The following OSMR variants were observed in gnomAD, a reference collection of about 807,000 sequenced individuals.
OSMR encodes oncostatin M receptor.
A neutral mutation model predicts 99.9 loss-of-function variants in OSMR; 81 were observed. The observed-to-expected ratio is 0.81, with a 90% CI of 0.68 to 0.97. OSMR has a LOEUF of 0.97. Among genes scored for constraint, OSMR ranks in the 50% least tolerant of loss-of-function variants. OSMR has a pLI of 0.00. For synonymous variants in OSMR, 406 were observed against 410.4 expected (o/e 0.99, Z 0.13); for missense variants, 1,099 against 1,153.4 (o/e 0.95, Z 0.68).
intron 12 of OSMR, among the ~76,000 whole-genome samples, chr5:38,922,425 G>C (rs1480368147): frequency 6.6e-6 from 1 of 152,198 alleles, no homozygotes; most frequent in Non-Finnish European, 1.5e-5. Context: ...GTGTAATGGG[G>C]AAATGAGGAA....
At chr5:38,869,384 C>G (rs993162042) in intron 2 of OSMR, among the ~76,000 whole-genome samples, 5 of 152,170 alleles carry the variant, frequency 3.3e-5, no homozygotes, top group Non-Finnish European at 7.3e-5. Flanking sequence ...TGTAAATAGA[C>G]CTAATCCCAT....
chr5:38,900,974 C>T (rs1245328484), intron 7 of OSMR, among the ~76,000 whole-genome samples: 1 of 152,200 alleles, frequency 6.6e-6, no homozygotes, highest in Non-Finnish European at 1.5e-5. Context: ...TAATTCTTGT[C>T]CCACACAGAG....
intron 1 of OSMR, among the ~76,000 whole-genome samples, chr5:38,862,270 G>T (rs1287797358): frequency 9.6e-6 from 1 of 104,558 alleles, no homozygotes; most frequent in African/African-American, 3.9e-5. Context: ...CCTCCCGGAC[G>T]GGGCGGCTGG....
chr5:38,874,232 TTTG>T lies in OSMR; in HGVS notation c.74-1950_74-1948del, dbSNP rs142198285. 4.1e-3 allele frequency among the ~76,000 whole-genome samples: 617 copies of T among 152,176 alleles called. 4 individuals are homozygous for T. Among genetic ancestry groups the T allele is most frequent in the African/African-American group, 0.014 (574 of 41,508 alleles). Reference sequence around the variant, plus strand: ...ACAAACTTGTTTATTTTATTGTCTATTTGTTGTTGTTGTTGTTGTTGCTCATAC... The same window carrying T: ...ACAAACTTGTTTATTTTATTGTCTATTTGTTGTTGTTGTTGTTGCTCATAC... On this transcript the variant is annotated intron_variant, in intron 2 of 17. Transcript: ENST00000274276.
intron 1 of OSMR, among the ~76,000 whole-genome samples, chr5:38,850,326 C>T (rs1276604727): frequency 6.6e-6 from 1 of 152,158 alleles, no homozygotes; most frequent in Admixed American, 6.5e-5. Context: ...TGATTGAAAG[C>T]ATTTTTAAAT....
chr5:38,851,733 T>C (rs1740368699), intron 1 of OSMR, among the ~76,000 whole-genome samples: 1 of 152,246 alleles, frequency 6.6e-6, no homozygotes, highest in Non-Finnish European at 1.5e-5. Flanking sequence ...GGTTTGGCTG[T>C]GTCCCCACCC....
downstream of OSMR, chr5:38,940,015 TAG>T: frequency 5.3e-6 from 1 of 187,842 alleles, no homozygotes; most frequent in Non-Finnish European, 9.8e-6. Context: ...AATTTAAGCG[TAG>T]ACTTTTTTTT....
intron 4 of OSMR, among the ~76,000 whole-genome samples, chr5:38,882,178 G>A (rs1743340857): frequency 6.6e-6 from 1 of 152,222 alleles, no homozygotes; most frequent in Non-Finnish European, 1.5e-5. Flanking sequence ...GCTTTTCAGA[G>A]CATACAGTCG....
At chr5:38,902,195 T>C (rs943417900) in intron 7 of OSMR, among the ~76,000 whole-genome samples, 1 of 152,268 alleles carries the variant, frequency 6.6e-6, no homozygotes, top group Non-Finnish European at 1.5e-5. Flanking sequence ...ACTACTTTTG[T>C]TGAATAAGCC....
Position 38,925,333 on chromosome 5 carries a change from G to T in OSMR, c.2174G>T (p.Ser725Ile), listed in dbSNP as rs1358678481. Residue 725 changes from serine (S) to isoleucine (I), a missense_variant, in exon 15 of 18, where the codon AGT (serine) becomes ATT (isoleucine). Transcript: ENST00000274276. ...TTCACTAGTGCTGGTGAAGGCCCCA[G>T]TGCTACGTTCACGAAGGTCACGACT... ...TPFTSAGEGP[S>I]ATFTKVTTPD... 5.6e-6 allele frequency: 9 copies of T among 1,613,990 alleles called. No individual in the cohort carries two copies. The South Asian group carries it at 7.7e-5, about 14-fold the overall frequency.
chr5:38,877,688 G>A (rs1742946018), intron 3 of OSMR, among the ~76,000 whole-genome samples: 1 of 152,142 alleles, frequency 6.6e-6, no homozygotes, highest in African/African-American at 2.4e-5. Flanking sequence ...TGGAAGTGCT[G>A]GAGGAATTGT....
At position 38,865,681 on chromosome 5, in the gene OSMR, T is replaced by TC. The variant is rs1321339827; in HGVS notation, c.-13-3351_-13-3350insC. ...GTCCTTGGGCCCCCACATGCCCACC[T>TC]GATGTACATAAGCACCAGTGGTAGT... On this transcript the variant is annotated intron_variant, in intron 1 of 17. Coordinates refer to ENST00000274276, the MANE Select transcript of OSMR (RefSeq NM_003999.3). 6.6e-5 allele frequency among the ~76,000 whole-genome samples: 10 copies of TC among 152,216 alleles called. No individual in the cohort carries two copies. In the East Asian group the frequency reaches 1.9e-3, roughly 29 times the overall value.
At chr5:38,860,373 T>G (rs1020373825) in intron 1 of OSMR, among the ~76,000 whole-genome samples, 4 of 152,230 alleles carry the variant, frequency 2.6e-5, no homozygotes, top group African/African-American at 9.6e-5. Flanking sequence ...TCACATTTAT[T>G]GATTTGCATA....
rs1025033189 is a variant in OSMR, at chr5:38,916,372, G to C, written c.1286-1174G>C. Among the ~76,000 whole-genome samples, 6 of 152,102 alleles carry C rather than the reference G, an allele frequency of 3.9e-5. No individual in the cohort carries two copies. In the East Asian group the frequency reaches 1.2e-3, roughly 29 times the overall value. ...AATGACCAGACCCTAACTACCTTGAGTTCAAATCTTGGCTTCACTTTTACT... is the reference window on the plus strand; with the variant it reads ...AATGACCAGACCCTAACTACCTTGACTTCAAATCTTGGCTTCACTTTTACT... On this transcript the variant is annotated intron_variant, in intron 9 of 17. Coordinates refer to ENST00000274276, the MANE Select transcript of OSMR (RefSeq NM_003999.3).
chr5:38,895,733 A>G (rs1561378017), intron 7 of OSMR, among the ~76,000 whole-genome samples: 2 of 151,964 alleles, frequency 1.3e-5, no homozygotes, highest in South Asian at 2.1e-4. Flanking sequence ...AATTATTCCA[A>G]TGTCTCGGAG....
chr5:38,894,042 A>T (rs539128015), intron 7 of OSMR, among the ~76,000 whole-genome samples: 1 of 152,376 alleles, frequency 6.6e-6, no homozygotes, highest in East Asian at 1.9e-4. Flanking sequence ...CAAAGGAAAG[A>T]CATTCCAACC....
chr5:38,912,854 G>A (rs1206924710), intron 9 of OSMR, among the ~76,000 whole-genome samples: 1 of 152,130 alleles, frequency 6.6e-6, no homozygotes, highest in Non-Finnish European at 1.5e-5. Context: ...AGATGGTGCT[G>A]GGATAGCTGG....
chr5:38,849,376 C>T (rs990556865), intron 1 of OSMR, among the ~76,000 whole-genome samples: 6 of 152,048 alleles, frequency 3.9e-5, no homozygotes, highest in Non-Finnish European at 8.8e-5. Flanking sequence ...TTTTCCAACT[C>T]ATTTGAAATT....
intron 7 of OSMR, among the ~76,000 whole-genome samples, chr5:38,896,206 T>G (rs1744509854): frequency 6.6e-6 from 1 of 152,028 alleles, no homozygotes. Context: ...TATTTTGATA[T>G]GGATTGCAGT....
Sources: gnomAD v4.1 joint callset for allele counts (sites outside exome capture counted in the v4.1 genomes callset) on GRCh38, gnomAD v4.1.1 for gene constraint, MANE v1.5 for transcripts, NCBI Gene and HGNC (gene_info 2026-07-23, HGNC 2026-07-21) for gene names.